Variants in SYT1 observed in about 807,000 individuals in gnomAD.
SYT1 encodes the protein synaptotagmin 1.
A neutral mutation model predicts 44.8 loss-of-function variants in SYT1; 8 were observed. That is an observed-to-expected ratio of 0.18 (90% confidence interval 0.10 to 0.32). The LOEUF (loss-of-function observed/expected upper bound fraction) is 0.32, where lower values mean the gene tolerates loss of function less well. SYT1 is among the 10% of genes least tolerant of loss of function. The pLI is 1.00. For missense variants in SYT1, 286 were observed against 509.3 expected (o/e 0.56, Z 4.22); for synonymous variants, 154 against 188.8 (o/e 0.82, Z 1.51).
chr12:79,062,249 A>G (rs1875445303), intron 3 of SYT1, among the ~76,000 whole-genome samples: 2 of 152,132 alleles, frequency 1.3e-5, no homozygotes, highest in Non-Finnish European at 2.9e-5. Context: ...GCTTTTGGTT[A>G]ATACAGTTTT....
intron 4 of SYT1, among the ~76,000 whole-genome samples, chr12:79,248,885 C>A (rs1015821208): frequency 6.6e-6 from 1 of 151,956 alleles, no homozygotes; most frequent in Non-Finnish European, 1.5e-5. Context: ...GAATATTGAC[C>A]CTTTAAAAAT....
chr12:79,287,263 A>T (rs2138834748), intron 5 of SYT1, among the ~76,000 whole-genome samples: 1 of 152,234 alleles, frequency 6.6e-6, no homozygotes, highest in East Asian at 1.9e-4. Flanking sequence ...CTGAGCTCGG[A>T]GTAGCAAGGG....
At chr12:79,071,826 A>G (rs998250006) in intron 3 of SYT1, among the ~76,000 whole-genome samples, 2 of 152,120 alleles carry the variant, frequency 1.3e-5, no homozygotes, top group African/African-American at 4.8e-5. Flanking sequence ...TACCCTACTC[A>G]AGAATGACTT....
At chr12:79,393,084 T>C (rs1884731786) in intron 9 of SYT1, 1 of 152,096 alleles carries the variant, frequency 6.6e-6, no homozygotes, top group Non-Finnish European at 1.5e-5. Context: ...GGTATTTTGC[T>C]GAGAATGATG....
At chr12:79,397,125 A>G (rs1219247888) in intron 9 of SYT1, among the ~76,000 whole-genome samples, 1 of 152,178 alleles carries the variant, frequency 6.6e-6, no homozygotes, top group Non-Finnish European at 1.5e-5. Context: ...AGTGAAAGGG[A>G]TGAGGTCTCA....
intron 1 of SYT1, among the ~76,000 whole-genome samples, chr12:78,896,792 C>G (rs188312227): frequency 6.6e-5 from 10 of 151,880 alleles, no homozygotes; most frequent in Admixed American, 5.9e-4. Flanking sequence ...GAATTATCTT[C>G]ATTTCTTTTT....
In SYT1 at chr12:79,174,238, G is replaced by A. The variant is rs111559764; in HGVS notation, c.-17-43265G>A. 1.3e-3 allele frequency among the ~76,000 whole-genome samples: 204 copies of A among 152,152 alleles called. 1 individual carries two copies. Among genetic ancestry groups the A allele is most frequent in the African/African-American group, 4.5e-3 (189 of 41,562 alleles). ...TCTAAAAATGTTGGCACAATGTGGT[G>A]TAAGCTAGTGGAGAAAGATGGATAC... On this transcript the variant is annotated intron_variant, in intron 3 of 10. Coordinates refer to ENST00000261205, the MANE Select transcript of SYT1 (RefSeq NM_005639.3).
chr12:79,178,528 GTTTTGTTTTGTT>G (rs1299055349), intron 3 of SYT1, among the ~76,000 whole-genome samples: 1 of 151,576 alleles, frequency 6.6e-6, no homozygotes, highest in Non-Finnish European at 1.5e-5. Context: ...TTTTTGTTTT[GTTTTGTTTTGTT>G]TTTTGTTTTT....
intron 9 of SYT1, among the ~76,000 whole-genome samples, chr12:79,391,568 C>T (rs905193287): frequency 1.1e-4 from 16 of 152,130 alleles, no homozygotes; most frequent in African/African-American, 3.9e-4. Context: ...AGGAAGATGG[C>T]GAAGAGCTAA....
intron 3 of SYT1, among the ~76,000 whole-genome samples, chr12:79,175,612 T>A (rs1323911717): frequency 6.6e-6 from 1 of 152,102 alleles, no homozygotes. Context: ...GCCACTAAAA[T>A]TCATTATTTG....
intron 2 of SYT1, among the ~76,000 whole-genome samples, chr12:79,017,799 C>G (rs7963579): frequency 0.041 from 6,165 of 151,892 alleles, 185 homozygotes; most frequent in East Asian, 0.15. Context: ...TCTCTGTCAA[C>G]GAGGAAATAA....
At chr12:79,055,694 T>C (rs942556729) in intron 3 of SYT1, among the ~76,000 whole-genome samples, 24 of 152,022 alleles carry the variant, frequency 1.6e-4, no homozygotes, top group African/African-American at 5.8e-4. Flanking sequence ...TTTATACGTT[T>C]CATATGAGAA....
chr12:79,029,116 G>A (rs942049916), intron 2 of SYT1, among the ~76,000 whole-genome samples: 1 of 150,826 alleles, frequency 6.6e-6, no homozygotes, highest in Non-Finnish European at 1.5e-5. Context: ...CTTGTTCCTG[G>A]GTAATTTCTA....
intron 4 of SYT1, among the ~76,000 whole-genome samples, chr12:79,284,050 C>A (rs1181669416): frequency 6.6e-6 from 1 of 151,588 alleles, no homozygotes; most frequent in Non-Finnish European, 1.5e-5. Flanking sequence ...ATCATTGGTT[C>A]TAGTAATGTT....
chr12:78,986,252 A>C (rs1016227066), intron 2 of SYT1, among the ~76,000 whole-genome samples: 11 of 152,020 alleles, frequency 7.2e-5, no homozygotes, highest in Admixed American at 1.3e-4. Context: ...TTTTATTGCT[A>C]TGTAACATTT....
At chr12:79,017,008 A>T (rs975131475) in intron 2 of SYT1, among the ~76,000 whole-genome samples, 1 of 152,082 alleles carries the variant, frequency 6.6e-6, no homozygotes, top group Non-Finnish European at 1.5e-5. Context: ...TGTTTACACA[A>T]ATTTTCTTAC....
At chr12:78,868,222 G>A (rs973782675) in intron 1 of SYT1, among the ~76,000 whole-genome samples, 19 of 151,698 alleles carry the variant, frequency 1.3e-4, no homozygotes, top group Non-Finnish European at 2.4e-4. Context: ...TAATTTGGGG[G>A]GAACAAGAAA....
At chr12:79,392,798 C>CTTTTTTTTTTTTTTTT (rs755888075) in intron 9 of SYT1, 59 of 98,786 alleles carry the variant, frequency 6.0e-4, no homozygotes, top group East Asian at 8.3e-4. Context: ...ATTTTTCTTT[C>CTTTTTTTTTTTTTTTT]TTTTTTTTTT....
intron 4 of SYT1, among the ~76,000 whole-genome samples, chr12:79,229,526 AAG>A (rs1875733330): frequency 1.3e-5 from 2 of 152,100 alleles, no homozygotes; most frequent in South Asian, 4.1e-4. Flanking sequence ...CGTGTGTTTT[AAG>A]AGTTACCATT....
Sources: gnomAD v4.1 joint callset for allele counts (sites outside exome capture counted in the v4.1 genomes callset) on GRCh38, gnomAD v4.1.1 for gene constraint, MANE v1.5 for transcripts, NCBI Gene and HGNC (gene_info 2026-07-23, HGNC 2026-07-21) for gene names.